TSPAN7: variants seen among roughly 807,000 people sequenced by gnomAD.
The protein encoded by TSPAN7 is tetraspanin 7.
A neutral mutation model predicts 17.6 loss-of-function variants in TSPAN7; 1 was observed. The observed-to-expected ratio is 0.06, with a 90% CI of 0.02 to 0.27. The LOEUF is 0.27. Among genes scored for constraint, TSPAN7 ranks in the 10% least tolerant of loss-of-function variants. The pLI is 1.00. For missense variants in TSPAN7, 112 were observed against 201.7 expected, an observed-to-expected ratio of 0.56 and a Z score of 2.69; for synonymous variants, 78 against 79.0, an observed-to-expected ratio of 0.99 and a Z score of 0.07.
At chrX:38,661,342 G>A (rs2069743678) in intron 1 of TSPAN7, among the ~76,000 whole-genome samples, 6 of 112,632 alleles carry the variant, frequency 5.3e-5, no homozygotes, top group Admixed American at 4.7e-4. Flanking sequence ...TCACACAGAA[G>A]CCTTTTCAGT....
intron 1 of TSPAN7, among the ~76,000 whole-genome samples, chrX:38,580,869 A>C (rs957300653): frequency 2.7e-5 from 3 of 111,450 alleles, no homozygotes; most frequent in African/African-American, 9.8e-5. Flanking sequence ...TCTCTGGGGT[A>C]AACCTTTGAA....
chrX:38,665,285 T>C (rs1222762594), intron 1 of TSPAN7, among the ~76,000 whole-genome samples: 1 of 111,627 alleles, frequency 9.0e-6, no homozygotes, highest in Non-Finnish European at 1.9e-5. Context: ...GGCTGTCAGT[T>C]TGAGTTGCTA....
At chrX:38,588,389 T>C (rs1026430016) in intron 1 of TSPAN7, among the ~76,000 whole-genome samples, 1 of 111,705 alleles carries the variant, frequency 9.0e-6, no homozygotes. Context: ...AGAATAACCA[T>C]AGGAATCTTG....
At chrX:38,580,696 C>T (rs1172143177) in intron 1 of TSPAN7, among the ~76,000 whole-genome samples, 1 of 111,988 alleles carries the variant, frequency 8.9e-6, no homozygotes, top group Non-Finnish European at 1.9e-5. Flanking sequence ...CATGCATTAT[C>T]TTGTTTATTC....
chrX:38,656,552 G>C (rs1446765678), intron 1 of TSPAN7, among the ~76,000 whole-genome samples: 1 of 111,341 alleles, frequency 9.0e-6, no homozygotes, highest in Admixed American at 9.6e-5. Context: ...AGATAAAGGA[G>C]GTGGGGCATA....
chrX:38,680,604 C>T (rs1216000881), intron 5 of TSPAN7, among the ~76,000 whole-genome samples: 3 of 103,337 alleles, frequency 2.9e-5, no homozygotes, highest in Non-Finnish European at 5.9e-5. Context: ...GACCCTAGAA[C>T]ATAGGTTTTC....
intron 1 of TSPAN7, among the ~76,000 whole-genome samples, chrX:38,632,959 A>G (rs1213440086): frequency 8.9e-6 from 1 of 112,263 alleles, no homozygotes; most frequent in Non-Finnish European, 1.9e-5. Flanking sequence ...CATTTCCTGG[A>G]TCAAGGAGCA....
intron 1 of TSPAN7, among the ~76,000 whole-genome samples, chrX:38,595,229 C>T (rs192551150): frequency 9.0e-6 from 1 of 111,213 alleles, no homozygotes; most frequent in East Asian, 2.8e-4. Context: ...CTTTTCTTTG[C>T]ATTTCTTTTC....
In TSPAN7 at chrX:38,666,102, T is replaced by C; in HGVS notation, c.82-19T>C. 8.3e-7 allele frequency: 1 copy of C among 1,209,670 alleles called. No individual in the cohort carries two copies. The highest frequency in any genetic ancestry group is 1.1e-6 in the Non-Finnish European group (1 of 894,107). ...ACCTCTCTTGGCAATAGCTTCACAC[T>C]CTCCTCTCCCTCTTTCAGATCACTG... is the stretch of plus-strand genomic sequence containing the variant. On this transcript the variant is annotated intron_variant, in intron 1 of 7. Transcript: ENST00000378482.
chrX:38,646,217 A>G (rs745869781), intron 1 of TSPAN7: 2 of 1,112,399 alleles, frequency 1.8e-6, no homozygotes, highest in Admixed American at 2.7e-5. Flanking sequence ...ATCCAATACC[A>G]TAGAGCTTTT....
chrX:38,687,455 T>A (rs2069933029), intron 6 of TSPAN7, 144 bp from the exon 7 acceptor site: 13 of 472,661 alleles, frequency 2.8e-5, no homozygotes, highest in Non-Finnish European at 4.2e-5. Context: ...ACAGAAACAC[T>A]TGGTTGTTAA....
At chrX:38,561,879 C>A (rs1569299966) in intron 1 of TSPAN7, among the ~76,000 whole-genome samples, 1 of 110,204 alleles carries the variant, frequency 9.1e-6, no homozygotes, top group Admixed American at 9.4e-5. Flanking sequence ...AGGTTGTCGA[C>A]CTTCCAAAAA....
intron 1 of TSPAN7, among the ~76,000 whole-genome samples, chrX:38,664,460 A>G (rs1428475307): frequency 9.0e-6 from 1 of 111,518 alleles, no homozygotes; most frequent in Non-Finnish European, 1.9e-5. Flanking sequence ...GAGGCTGCTC[A>G]AGGAAAGTAC....
intron 1 of TSPAN7, among the ~76,000 whole-genome samples, chrX:38,574,276 A>T: frequency 8.9e-6 from 1 of 112,262 alleles, no homozygotes; most frequent in Non-Finnish European, 1.9e-5. Context: ...AAAAATTAAC[A>T]TTGGAGAAAG....
intron 1 of TSPAN7, among the ~76,000 whole-genome samples, chrX:38,601,341 G>C (rs1310969845): frequency 9.0e-6 from 1 of 111,626 alleles, no homozygotes; most frequent in Non-Finnish European, 1.9e-5. Flanking sequence ...CACAATGGTA[G>C]AGACTGTGGT....
intron 1 of TSPAN7, among the ~76,000 whole-genome samples, chrX:38,619,564 G>C (rs1468106589): frequency 9.0e-6 from 1 of 111,620 alleles, no homozygotes; most frequent in Non-Finnish European, 1.9e-5. Flanking sequence ...ATGAAGGGTA[G>C]GAGCTTGTTT....
At chrX:38,654,961 A>G (rs1378419147) in intron 1 of TSPAN7, among the ~76,000 whole-genome samples, 2 of 111,880 alleles carry the variant, frequency 1.8e-5, no homozygotes, top group African/African-American at 6.5e-5. Context: ...AAGGAAGAGC[A>G]AGTGTGAAAT....
At chrX:38,568,870 C>G (rs1035514566) in intron 1 of TSPAN7, among the ~76,000 whole-genome samples, 1 of 110,884 alleles carries the variant, frequency 9.0e-6, no homozygotes, top group Non-Finnish European at 1.9e-5. Context: ...TATCTTGCTG[C>G]TATTGCATTT....
At chrX:38,671,791 C>T (rs67468569) in intron 3 of TSPAN7, among the ~76,000 whole-genome samples, 4,010 of 111,200 alleles carry the variant, frequency 0.036, 183 homozygotes, top group African/African-American at 0.13. Context: ...ATCTGCAATA[C>T]CAGAGCTTTG....
Sources: allele counts gnomAD v4.1 joint callset (sites outside exome capture counted in the v4.1 genomes callset), GRCh38; gene constraint gnomAD v4.1.1; transcripts MANE v1.5; gene names NCBI Gene and HGNC (gene_info 2026-07-23, HGNC 2026-07-21).